RGS7: variants seen among roughly 807,000 people sequenced by gnomAD.
The protein encoded by RGS7 is regulator of G-protein signaling 7.
Under a neutral mutation model 81.1 loss-of-function variants are expected in RGS7, and 27 were observed. The observed-to-expected ratio is 0.33, with a 90% CI of 0.25 to 0.46. RGS7 has a LOEUF of 0.46. RGS7 is among the 20% of genes least tolerant of loss of function. RGS7 has a pLI of 1.00. For synonymous variants in RGS7, 208 were observed against 207.7 expected (o/e 1.00, Z -0.01); for missense variants, 396 against 607.4 (o/e 0.65, Z 3.66).
intron 2 of RGS7, among the ~76,000 whole-genome samples, chr1:241,337,596 C>T (rs919277493): frequency 6.6e-6 from 1 of 152,122 alleles, no homozygotes; most frequent in Non-Finnish European, 1.5e-5. Context: ...CACGCTCTTC[C>T]TCTTGGCTCC....
chr1:241,064,501 T>G (rs2061944620), intron 3 of RGS7, among the ~76,000 whole-genome samples: 1 of 150,714 alleles, frequency 6.6e-6, no homozygotes, highest in South Asian at 2.1e-4. Flanking sequence ...AGTGGGAGGA[T>G]CTGCTTGAGC....
At chr1:240,828,126 T>G (rs1019770932) in intron 9 of RGS7, among the ~76,000 whole-genome samples, 9 of 152,144 alleles carry the variant, frequency 5.9e-5, no homozygotes, top group African/African-American at 2.2e-4. Context: ...TTCCTGACCT[T>G]CCTTTTCCTT....
chr1:241,157,911 C>T (rs1290478642), intron 2 of RGS7, among the ~76,000 whole-genome samples: 178 of 2,458 alleles, frequency 0.072, 2 homozygotes, highest in African/African-American at 0.087. Context: ...CTCCACCTCC[C>T]GGTCACGCCA....
chr1:241,004,238 T>C, intron 3 of RGS7, among the ~76,000 whole-genome samples: 1 of 152,174 alleles, frequency 6.6e-6, no homozygotes. Flanking sequence ...ATTATAAACT[T>C]GCAGTTGCCA....
chr1:240,777,569 CTGTT>C (rs1683187914), intron 18 of RGS7, among the ~76,000 whole-genome samples: 1 of 152,186 alleles, frequency 6.6e-6, no homozygotes, highest in African/African-American at 2.4e-5. Flanking sequence ...TTGCCTTAGT[CTGTT>C]TGGGCTGCTA....
At chr1:241,332,131 G>T (rs2082010248) in intron 2 of RGS7, among the ~76,000 whole-genome samples, 4 of 152,156 alleles carry the variant, frequency 2.6e-5, no homozygotes, top group Admixed American at 2.0e-4. Flanking sequence ...AAGTAATCAT[G>T]CAAGGAACAG....
chr1:240,856,373 C>T (rs146407396), intron 9 of RGS7, among the ~76,000 whole-genome samples: 8 of 152,250 alleles, frequency 5.3e-5, no homozygotes, highest in African/African-American at 1.9e-4. Flanking sequence ...GTATCTCAGT[C>T]ACTGGGGCAG....
In RGS7 at chr1:240,775,734, T is replaced by G; in HGVS notation, c.*486A>C. ...CACATTGGTGAAATGAAACTTTCTG[T>G]GCGGAATTTATTGTTTAATAAATGT... On this transcript the variant is annotated 3_prime_UTR_variant, in exon 19 of 19. Transcript: ENST00000440928. 1 of 172,812 alleles carries G rather than the reference T, an allele frequency of 5.8e-6. No individual in the cohort carries two copies. Among genetic ancestry groups the G allele is most frequent in the Admixed American group, 5.5e-5 (1 of 18,210 alleles). 10.7% of individuals were successfully genotyped at this position (172,812 alleles called of 1,614,324 possible). A position where few individuals can be genotyped will look rare whatever the true frequency, so the allele number is the denominator to read the frequency against.
intron 9 of RGS7, among the ~76,000 whole-genome samples, chr1:240,861,338 ATGCATTCAACCCTAAACTAATAGAC>A (rs921763351): frequency 6.6e-6 from 1 of 152,092 alleles, no homozygotes; most frequent in African/African-American, 2.4e-5. Context: ...AATGCTTGGC[ATGCATTCAACCCTAAACTAATAGAC>A]TGGGGAAGCA....
chr1:241,159,461 A>G (rs768574752), intron 2 of RGS7, among the ~76,000 whole-genome samples: 2 of 152,082 alleles, frequency 1.3e-5, no homozygotes, highest in African/African-American at 2.4e-5. Context: ...GAACTTTCCA[A>G]ATTCTCCAGG....
intron 3 of RGS7, among the ~76,000 whole-genome samples, chr1:241,092,871 AC>A (rs1295747253): frequency 2.6e-5 from 4 of 151,934 alleles, no homozygotes; most frequent in African/African-American, 9.7e-5. Flanking sequence ...GAAAAAAAAA[AC>A]AATTAGAAGA....
chr1:241,274,813 T>C (rs1472853726), intron 2 of RGS7, among the ~76,000 whole-genome samples: 2 of 152,194 alleles, frequency 1.3e-5, no homozygotes, highest in Non-Finnish European at 2.9e-5. Flanking sequence ...AAACTGCAAA[T>C]CTAGGTTTTC....
intron 2 of RGS7, among the ~76,000 whole-genome samples, chr1:241,150,036 G>T (rs1349469769): frequency 1.3e-5 from 2 of 152,134 alleles, no homozygotes; most frequent in East Asian, 3.9e-4. Flanking sequence ...GGCTTCCCAA[G>T]ATAGGCATTT....
chr1:241,016,394 T>C (rs1046355592), intron 3 of RGS7, among the ~76,000 whole-genome samples: 91 of 152,166 alleles, frequency 6.0e-4, no homozygotes, highest in African/African-American at 2.2e-3. Context: ...GGCATGCACC[T>C]GTAGTCTCAG....
At chr1:240,955,291 A>T (rs1184903804) in intron 4 of RGS7, among the ~76,000 whole-genome samples, 4 of 152,194 alleles carry the variant, frequency 2.6e-5, no homozygotes, top group Non-Finnish European at 5.9e-5. Context: ...ATAATGAAGG[A>T]TAAAAACAAA....
chr1:240,951,936 C>T (rs534756130), intron 4 of RGS7, among the ~76,000 whole-genome samples: 7 of 152,182 alleles, frequency 4.6e-5, no homozygotes, highest in African/African-American at 1.7e-4. Context: ...TGACAGTGCG[C>T]TTCTCATCAG....
intron 3 of RGS7, among the ~76,000 whole-genome samples, chr1:241,019,790 C>T (rs2059449850): frequency 6.6e-6 from 1 of 152,182 alleles, no homozygotes; most frequent in Admixed American, 6.5e-5. Context: ...CAAGTCTTTG[C>T]TATTGTGAAT....
intron 4 of RGS7, among the ~76,000 whole-genome samples, chr1:240,956,643 A>G (rs1285906865): frequency 6.6e-6 from 1 of 152,140 alleles, no homozygotes; most frequent in African/African-American, 2.4e-5. Flanking sequence ...CAGTGATGTC[A>G]TGTTTATAGT....
intron 2 of RGS7, among the ~76,000 whole-genome samples, chr1:241,100,101 C>T (rs971347963): frequency 5.9e-5 from 9 of 152,024 alleles, no homozygotes; most frequent in Admixed American, 3.3e-4. Flanking sequence ...ATTGGCCGGG[C>T]GCGGTGGCTC....
Sources: gnomAD v4.1 joint callset for allele counts (sites outside exome capture counted in the v4.1 genomes callset) on GRCh38, gnomAD v4.1.1 for gene constraint, MANE v1.5 for transcripts, NCBI Gene and HGNC (gene_info 2026-07-23, HGNC 2026-07-21) for gene names.